SPAST: variants seen among roughly 807,000 people sequenced by gnomAD.
SPAST encodes spastic paraplegia 4 (autosomal dominant; spastin).
SPAST carries 30 observed loss-of-function variants against 76.6 expected under a neutral mutation model. The ratio of observed to expected loss-of-function variants is 0.39; its 90% confidence interval spans 0.29 to 0.53. SPAST has a LOEUF of 0.53. Ranked by LOEUF, SPAST falls within the 20% of genes least tolerant of loss-of-function variation. SPAST has a pLI of 0.68. For missense variants in SPAST, 717 were observed against 770.5 expected, an observed-to-expected ratio of 0.93 and a Z score of 0.82; for synonymous variants, 305 against 281.0, an observed-to-expected ratio of 1.09 and a Z score of -0.86.
chr2:32,142,159 T>C (rs1679741583), intron 13 of SPAST, among the ~76,000 whole-genome samples: 1 of 152,138 alleles, frequency 6.6e-6, no homozygotes, highest in African/African-American at 2.4e-5. Flanking sequence ...ACACAAAGAC[T>C]TGTACAAGAA....
At chr2:32,121,535 C>T (rs1288778538) in intron 7 of SPAST, among the ~76,000 whole-genome samples, 4 of 102,738 alleles carry the variant, frequency 3.9e-5, no homozygotes, top group Admixed American at 1.2e-4. Flanking sequence ...ATCTTTCTCA[C>T]TTTTTTTTTT....
chr2:32,085,760 G>C lies in SPAST; in HGVS notation c.416-1732G>C, dbSNP rs141082097. Among the ~76,000 whole-genome samples the C allele has an allele frequency of 7.3e-3, 1,104 of 152,232 alleles. 13 individuals are homozygous for C. The highest frequency in any genetic ancestry group is 0.011 in the Non-Finnish European group (755 of 68,016). ...TTTATAATAAGACTTCATGTGGCCA[G>C]GTGCGGTGGCTCGTGAGCGCCTGTA... On this transcript the variant is annotated intron_variant, in intron 1 of 16. Coordinates refer to ENST00000315285, the MANE Select transcript of SPAST (RefSeq NM_014946.4).
At chr2:32,127,110 T>A in intron 8 of SPAST, 88 bp downstream of exon 8, 2 of 881,826 alleles carry the variant, frequency 2.3e-6, no homozygotes, top group Non-Finnish European at 1.9e-6. Flanking sequence ...TTGAGTCTAT[T>A]ATTTACGACT....
At chr2:32,153,814 C>G (rs868437384) in intron 16 of SPAST, among the ~76,000 whole-genome samples, 32 of 152,150 alleles carry the variant, frequency 2.1e-4, no homozygotes, top group African/African-American at 7.5e-4. Context: ...AAGTGGCTCA[C>G]GTCTGTAATC....
Position 32,157,459 on chromosome 2 carries a change from G to C in SPAST, c.*2963G>C, listed in dbSNP as rs1022968108. On this transcript the variant is annotated 3_prime_UTR_variant, in exon 17 of 17. Transcript: ENST00000315285. ...ATTTTGTACAAAAACTAATTCTTTT[G>C]GTAAAATGAACCATTTACAGTTCGG... is the stretch of plus-strand genomic sequence containing the variant. 2.6e-5 allele frequency: 4 copies of C among 152,430 alleles called. No individual in the cohort carries two copies. Among genetic ancestry groups the C allele is most frequent in the South Asian group, 4.1e-4 (2 of 4,826 alleles). The allele number at this position is 152,430 out of a possible 1,614,324, so 9.4% of individuals were successfully genotyped here.
chr2:32,138,398 T>C (rs1035257781), intron 12 of SPAST, among the ~76,000 whole-genome samples: 1 of 152,234 alleles, frequency 6.6e-6, no homozygotes, highest in African/African-American at 2.4e-5. Flanking sequence ...GTGTGAGATA[T>C]CTCATTGTGA....
chr2:32,102,413 C>G (rs1167542863), intron 4 of SPAST, among the ~76,000 whole-genome samples: 23 of 151,494 alleles, frequency 1.5e-4, no homozygotes, highest in East Asian at 5.8e-4. Flanking sequence ...CATGTCATCT[C>G]CAAACAGGGA....
chr2:32,117,138 A>C (rs891652572), intron 7 of SPAST, among the ~76,000 whole-genome samples: 1 of 152,084 alleles, frequency 6.6e-6, no homozygotes, highest in African/African-American at 2.4e-5. Flanking sequence ...GTGTAACCCC[A>C]GCTACTCGGG....
chr2:32,131,671 CTTTTTTT>C (rs541036416), intron 9 of SPAST, among the ~76,000 whole-genome samples: 1 of 108,018 alleles, frequency 9.3e-6, no homozygotes, highest in African/African-American at 3.5e-5. Flanking sequence ...CAACCATTCT[CTTTTTTT>C]TTTTTTTTTT....
At chr2:32,100,288 G>C (rs2148718899) in intron 4 of SPAST, among the ~76,000 whole-genome samples, 1 of 131,386 alleles carries the variant, frequency 7.6e-6, no homozygotes, top group East Asian at 2.2e-4. Context: ...TCATATCTTT[G>C]TTTTTGACGG....
At chr2:32,067,665 G>A (rs898305352) in intron 1 of SPAST, among the ~76,000 whole-genome samples, 1 of 150,406 alleles carries the variant, frequency 6.6e-6, no homozygotes, top group East Asian at 1.9e-4. Context: ...ATTTATTTTA[G>A]AGACAGTGTT....
chr2:32,147,924 C>T lies in SPAST; in HGVS notation c.1728+666C>T, dbSNP rs1679949997. Among the ~76,000 whole-genome samples the T allele has an allele frequency of 2.7e-5, 4 of 147,862 alleles. 1 individual carries two copies. The South Asian group carries it at 8.7e-4, about 32-fold the overall frequency. ...GGGATTACAGGCGTGAGCCACTGCG[C>T]CCGGCCTTTTTTTTTTTTTTTTTTT... On this transcript the variant is annotated intron_variant, in intron 16 of 16. Transcript: ENST00000315285.
intron 4 of SPAST, among the ~76,000 whole-genome samples, chr2:32,099,854 C>G (rs1389915554): frequency 6.6e-6 from 1 of 152,062 alleles, no homozygotes; most frequent in Non-Finnish European, 1.5e-5. Context: ...ATGAGATTAA[C>G]TTTTTAAAAA....
chr2:32,089,405 A>ATTT (rs1677622697), intron 2 of SPAST, 117 bp from the exon 3 acceptor site: 2 of 618,874 alleles, frequency 3.2e-6, no homozygotes, highest in African/African-American at 3.8e-5. Context: ...CTTTTTTTTA[A>ATTT]AAAAAAATTT....
chr2:32,135,183 G>A (rs1285233607), intron 9 of SPAST, among the ~76,000 whole-genome samples: 1 of 151,408 alleles, frequency 6.6e-6, no homozygotes, highest in African/African-American at 2.4e-5. Flanking sequence ...GGGCTGGAGT[G>A]CAGTGGTACC....
intron 1 of SPAST, chr2:32,077,841 A>T (rs1677027014): frequency 6.6e-6 from 1 of 152,254 alleles, no homozygotes; most frequent in Non-Finnish European, 1.5e-5. Flanking sequence ...ACATACTAAA[A>T]AATAATGCAG....
intron 4 of SPAST, among the ~76,000 whole-genome samples, chr2:32,102,042 T>C (rs1678145786): frequency 2.6e-5 from 4 of 152,220 alleles, no homozygotes; most frequent in Admixed American, 2.6e-4. Flanking sequence ...GGGGATGGCA[T>C]TGAATCTATA....
At chr2:32,075,139 T>C (rs901328066) in intron 1 of SPAST, among the ~76,000 whole-genome samples, 4 of 151,938 alleles carry the variant, frequency 2.6e-5, no homozygotes, top group Middle Eastern at 3.2e-3. Context: ...AACAGTGATA[T>C]AGGCCGGGCG....
At chr2:32,098,321 G>T (rs572260414) in intron 3 of SPAST, among the ~76,000 whole-genome samples, 2 of 152,142 alleles carry the variant, frequency 1.3e-5, no homozygotes, top group South Asian at 4.1e-4. Flanking sequence ...AATTAGCTGG[G>T]CATAGTGGTG....
Sources: gnomAD v4.1 joint callset for allele counts (sites outside exome capture counted in the v4.1 genomes callset) on GRCh38, gnomAD v4.1.1 for gene constraint, MANE v1.5 for transcripts, NCBI Gene and HGNC (gene_info 2026-07-23, HGNC 2026-07-21) for gene names.